The following GLB1L2 variants were observed in gnomAD, a reference collection of about 807,000 sequenced individuals.
GLB1L2 encodes beta-galactosidase-1-like protein 2.
Under a neutral mutation model 84.1 loss-of-function variants are expected in GLB1L2, and 68 were observed. The observed-to-expected ratio is 0.81, with a 90% CI of 0.67 to 0.99. The LOEUF is 0.99. Among genes scored for constraint, GLB1L2 ranks in the 50% least tolerant of loss-of-function variants. The probability of loss-of-function intolerance (pLI) is 0.00; values close to 1 mark genes in which losing one functional copy is unlikely to be tolerated. For synonymous variants in GLB1L2, 290 were observed against 318.0 expected, an observed-to-expected ratio of 0.91 and a Z score of 0.94; for missense variants, 762 against 805.6, an observed-to-expected ratio of 0.95 and a Z score of 0.66.
chr11:134,345,324 G>A (rs1249792497), intron 4 of GLB1L2, among the ~76,000 whole-genome samples, 195 bp downstream of exon 4: 2 of 152,250 alleles, frequency 1.3e-5, no homozygotes, highest in African/African-American at 4.8e-5. Context: ...GTGCCCTCAC[G>A]TAGCCATGCA....
intron 6 of GLB1L2, among the ~76,000 whole-genome samples, chr11:134,356,902 C>A (rs543315113): frequency 1.3e-5 from 2 of 152,342 alleles, no homozygotes; most frequent in African/African-American, 4.8e-5. Flanking sequence ...AAATAACAGG[C>A]TACATTCAGA....
intron 2 of GLB1L2, among the ~76,000 whole-genome samples, chr11:134,343,644 C>G (rs374181908): frequency 6.6e-6 from 1 of 152,248 alleles, no homozygotes; most frequent in Non-Finnish European, 1.5e-5. Context: ...AAGACAGTTC[C>G]TTAAAGAGTT....
chr11:134,347,278 C>A, intron 4 of GLB1L2, 47 bp from the exon 5 acceptor site: 2 of 1,425,428 alleles, frequency 1.4e-6, no homozygotes, highest in Non-Finnish European at 2.0e-6. Flanking sequence ...TCACAGCAAA[C>A]CCACTGTGAC....
chr11:134,362,984 C>T (rs773354726), intron 7 of GLB1L2, among the ~76,000 whole-genome samples: 4 of 152,208 alleles, frequency 2.6e-5, no homozygotes, highest in East Asian at 3.8e-4. Context: ...TCCTCATGGC[C>T]GTCTACCTGT....
Position 134,375,139 on chromosome 11 carries a change from C to G in GLB1L2, c.*81C>G. ...TGAAGCCTGGTGGCTGCTGCCCCACCCCTCACTGCAAAAGCATCTCCTTAA... is the reference window on the plus strand; with the variant it reads ...TGAAGCCTGGTGGCTGCTGCCCCACGCCTCACTGCAAAAGCATCTCCTTAA... On this transcript the variant is annotated 3_prime_UTR_variant, in exon 19 of 19. Coordinates refer to ENST00000535456, the MANE Select transcript of GLB1L2 (RefSeq NM_001370461.1). 9.3e-7 allele frequency: 1 copy of G among 1,072,392 alleles called. No individual in the cohort carries two copies. Among genetic ancestry groups the G allele is most frequent in the South Asian group, 1.4e-5 (1 of 70,900 alleles). The allele number at this position is 1,072,392 out of a possible 1,614,324, so 66.4% of individuals were successfully genotyped here.
At chr11:134,332,712 C>T (rs1225553994) in intron 1 of GLB1L2, among the ~76,000 whole-genome samples, 1 of 152,190 alleles carries the variant, frequency 6.6e-6, no homozygotes, top group Non-Finnish European at 1.5e-5. Flanking sequence ...GATAGGTCGT[C>T]TCTCTCCACT....
chr11:134,354,498 A>G (rs894435868), intron 5 of GLB1L2, among the ~76,000 whole-genome samples: 2 of 151,984 alleles, frequency 1.3e-5, no homozygotes, highest in African/African-American at 4.8e-5. Context: ...TATAGCTTCA[A>G]ATTACTCTCT....
rs571215622 is a variant in GLB1L2 at position 134,375,105 on chromosome 11, C to T, written c.*47C>T. ...GGTGCCAGTGGGAGACTGCCGCCTCCTCTTGACCTGAAGCCTGGTGGCTGC... is the reference window on the plus strand; with the variant it reads ...GGTGCCAGTGGGAGACTGCCGCCTCTTCTTGACCTGAAGCCTGGTGGCTGC... On this transcript the variant is annotated 3_prime_UTR_variant, in exon 19 of 19. Coordinates refer to ENST00000535456, the MANE Select transcript of GLB1L2 (RefSeq NM_001370461.1). The T allele has an allele frequency of 2.6e-6, 4 of 1,511,784 alleles. No individual in the cohort carries two copies. The highest frequency in any genetic ancestry group is 1.7e-4 in the Middle Eastern group (1 of 5,868). 93.6% of individuals were successfully genotyped at this position (1,511,784 alleles called of 1,614,324 possible).
intron 10 of GLB1L2, among the ~76,000 whole-genome samples, 159 bp downstream of exon 10, chr11:134,368,940 C>T (rs1475796953): frequency 2.0e-5 from 3 of 152,188 alleles, no homozygotes; most frequent in Admixed American, 2.0e-4. Flanking sequence ...GTTACACTCC[C>T]AGAGGAGGGA....
chr11:134,339,718 G>A lies in GLB1L2; in HGVS notation c.87-3036G>A, dbSNP rs1259174870. ...TCTACGTAGTGTCCAAGGAGAAGAC[G>A]CAGATTGGGCTTCTCGAGCTGTAAC... is the stretch of plus-strand genomic sequence containing the variant. On this transcript the variant is annotated intron_variant, in intron 1 of 18. Transcript: ENST00000535456. The surrounding 1 kb of genome is among the most constrained non-coding windows in gnomAD (Gnocchi z 5.7). 2.0e-5 allele frequency among the ~76,000 whole-genome samples: 3 copies of A among 152,008 alleles called. No individual in the cohort carries two copies. Among genetic ancestry groups the A allele is most frequent in the Non-Finnish European group, 4.4e-5 (3 of 68,008 alleles).
chr11:134,348,844 A>T (rs1434874113), intron 5 of GLB1L2, among the ~76,000 whole-genome samples: 1 of 152,178 alleles, frequency 6.6e-6, no homozygotes, highest in Non-Finnish European at 1.5e-5. Context: ...CAGGGCATAT[A>T]CGGCCATCTT....
chr11:134,350,760 A>G (rs1001018841), intron 5 of GLB1L2, among the ~76,000 whole-genome samples: 12 of 152,236 alleles, frequency 7.9e-5, no homozygotes, highest in Non-Finnish European at 1.8e-4. Flanking sequence ...CAATCAGTGT[A>G]CAAATATTTC....
At chr11:134,337,195 A>G (rs7123380) in intron 1 of GLB1L2, among the ~76,000 whole-genome samples, 53,161 of 152,094 alleles carry the variant, frequency 0.35, 9,512 homozygotes, top group Non-Finnish European at 0.38. Context: ...AGCCTTTTCA[A>G]AGGAAAAAGC....
intron 8 of GLB1L2, 91 bp from the exon 9 acceptor site, chr11:134,367,166 G>A (rs1355149222): frequency 9.3e-7 from 1 of 1,071,610 alleles, no homozygotes; most frequent in East Asian, 2.5e-5. Flanking sequence ...GAGTAGAGAG[G>A]GCAGAGATCC....
Position 134,339,633 on chromosome 11 carries a change from A to T in GLB1L2, c.87-3121A>T, listed in dbSNP as rs886877486. Among the ~76,000 whole-genome samples, 1 of 152,078 alleles carries T rather than the reference A, an allele frequency of 6.6e-6. No individual in the cohort carries two copies. The highest frequency in any genetic ancestry group is 2.4e-5 in the African/African-American group (1 of 41,416). On this transcript the variant is annotated intron_variant, in intron 1 of 18. Transcript: ENST00000535456. This position sits in a 1 kb window ranked among gnomAD's most constrained non-coding sequence, Gnocchi z 5.7. ...CTGAGAAGAACGTTTCATTCTAAAA[A>T]TATAGAAAATGGTGTGTTATAAAGA...
chr11:134,362,918 G>A (rs1438609212), intron 7 of GLB1L2, among the ~76,000 whole-genome samples: 2 of 152,186 alleles, frequency 1.3e-5, no homozygotes, highest in African/African-American at 4.8e-5. Flanking sequence ...ACCATTTACT[G>A]TCCCTGTGTC....
intron 4 of GLB1L2, among the ~76,000 whole-genome samples, chr11:134,345,596 G>A (rs1001765968): frequency 2.0e-5 from 3 of 152,082 alleles, no homozygotes; most frequent in African/African-American, 4.8e-5. Context: ...TCAGCCTCCC[G>A]AGTAGCTAGG....
rs112884827 is a variant in GLB1L2 at position 134,372,130 on chromosome 11, G to C, written c.1507+300G>C. The stretch of plus-strand genomic sequence containing the variant: ...CGGTTTCTGCAAGGATGTCTGCTTG[G>C]GGGGGCGGCAGTGAGGAGCAATGAA... On this transcript the variant is annotated intron_variant, in intron 15 of 18. Coordinates refer to ENST00000535456, the MANE Select transcript of GLB1L2 (RefSeq NM_001370461.1). 1.4e-3 allele frequency among the ~76,000 whole-genome samples: 211 copies of C among 152,270 alleles called. 1 individual carries two copies. Among genetic ancestry groups the C allele is most frequent in the Admixed American group, 4.4e-3 (68 of 15,296 alleles).
rs1943345721 is a variant in GLB1L2, at chr11:134,334,151, G to A, written c.86+2004G>A. ...TGGGTCATTAACTGAGTGGGAGGTG[G>A]GGCCTCTCCCAGCTGTTACTGGGCA... On this transcript the variant is annotated intron_variant, in intron 1 of 18. Coordinates refer to ENST00000535456, the MANE Select transcript of GLB1L2 (RefSeq NM_001370461.1). The surrounding 1 kb of genome is among the most constrained non-coding windows in gnomAD (Gnocchi z 4.1). Among the ~76,000 whole-genome samples the A allele has an allele frequency of 6.6e-6, 1 of 152,062 alleles. No individual in the cohort carries two copies. Among genetic ancestry groups the A allele is most frequent in the Non-Finnish European group, 1.5e-5 (1 of 68,012 alleles).
Sources: gnomAD v4.1 joint callset for allele counts (sites outside exome capture counted in the v4.1 genomes callset) on GRCh38, gnomAD v4.1.1 for gene constraint, Gnocchi (gnomAD v3.1) non-coding constraint, MANE v1.5 for transcripts, NCBI Gene and HGNC (gene_info 2026-07-23, HGNC 2026-07-21) for gene names.